The following DENND1B variants were observed in gnomAD, a reference collection of about 807,000 sequenced individuals.
DENND1B encodes the protein DENN domain-containing protein 1B.
In DENND1B, 59 loss-of-function variants were observed where a neutral mutation model predicts 90.1. The ratio of observed to expected loss-of-function variants is 0.65; its 90% CI spans 0.53 to 0.81. DENND1B has a LOEUF of 0.81. DENND1B is among the 40% of genes least tolerant of loss of function. The pLI, the probability that DENND1B is intolerant of heterozygous loss-of-function variation, is 0.00. For missense variants in DENND1B, 862 were observed against 912.6 expected (o/e 0.94, Z 0.71); for synonymous variants, 337 against 324.6 (o/e 1.04, Z -0.41).
intron 2 of DENND1B, among the ~76,000 whole-genome samples, chr1:197,770,837 A>T (rs916000715): frequency 1.0e-5 from 1 of 96,978 alleles, no homozygotes. Context: ...TATATCTATA[A>T]ATATATATAA....
intron 20 of DENND1B, among the ~76,000 whole-genome samples, chr1:197,529,604 A>G (rs1453917441): frequency 6.6e-6 from 1 of 152,086 alleles, no homozygotes; most frequent in Non-Finnish European, 1.5e-5. Flanking sequence ...CATACACATT[A>G]TAACTGCTAG....
rs75072265 is a variant in DENND1B at position 197,738,520 on chromosome 1, A to C, written c.83-23446T>G. ...TAGAAGACTTGGGTTATTAACTGTG[A>C]AACACAACATGGAAGATGCTGATGC... On this transcript the variant is annotated intron_variant, in intron 2 of 22. Transcript: ENST00000620048. 5.3e-3 allele frequency among the ~76,000 whole-genome samples: 812 copies of C among 152,336 alleles called. 9 individuals are homozygous for C. The highest frequency in any genetic ancestry group is 0.018 in the African/African-American group (755 of 41,582).
chr1:197,552,432 T>C (rs1571849444), intron 16 of DENND1B: 1 of 985,464 alleles, frequency 1.0e-6, no homozygotes, highest in Non-Finnish European at 1.2e-6. Context: ...TTGTAAATTA[T>C]TAATTGCCTA....
intron 10 of DENND1B, among the ~76,000 whole-genome samples, chr1:197,637,223 C>A (rs1679877974): frequency 6.6e-6 from 1 of 151,588 alleles, no homozygotes; most frequent in South Asian, 2.1e-4. Flanking sequence ...TGTCTGTAAG[C>A]TATAAGGATA....
intron 18 of DENND1B, among the ~76,000 whole-genome samples, chr1:197,542,259 C>T (rs1246053741): frequency 6.6e-6 from 1 of 152,052 alleles, no homozygotes; most frequent in Non-Finnish European, 1.5e-5. Context: ...TGTATGATAA[C>T]TCTAGTTTTC....
chr1:197,689,703 A>G (rs1027959076), intron 3 of DENND1B: 3 of 153,998 alleles, frequency 1.9e-5, no homozygotes, highest in Non-Finnish European at 4.4e-5. Context: ...GACCTGCTAC[A>G]GTAGCATTTG....
At chr1:197,668,477 CTT>C (rs1048281937) in intron 5 of DENND1B, among the ~76,000 whole-genome samples, 7 of 151,536 alleles carry the variant, frequency 4.6e-5, no homozygotes, top group African/African-American at 1.7e-4. Context: ...GTTGTCAACA[CTT>C]TTAAATTTAT....
intron 15 of DENND1B, among the ~76,000 whole-genome samples, chr1:197,562,073 C>T (rs1440185721): frequency 6.6e-6 from 1 of 151,870 alleles, no homozygotes; most frequent in East Asian, 1.9e-4. Context: ...CCTACCCTCA[C>T]CTCTGGTAGT....
chr1:197,634,752 G>A (rs1482990323), intron 10 of DENND1B, among the ~76,000 whole-genome samples: 2 of 152,210 alleles, frequency 1.3e-5, no homozygotes, highest in Non-Finnish European at 2.9e-5. Context: ...ACTTTGGGAG[G>A]CCGAGGCAGG....
intron 6 of DENND1B, 152 bp from the exon 7 acceptor site, chr1:197,652,467 T>G (rs1417731271): frequency 3.4e-6 from 2 of 590,854 alleles, no homozygotes; most frequent in Non-Finnish European, 5.6e-6. Context: ...TACCTGAAAT[T>G]CAAATATTTG....
At chr1:197,511,619 C>G (rs1668033546) in intron 22 of DENND1B, 109 bp downstream of exon 22, 1 of 675,774 alleles carries the variant, frequency 1.5e-6, no homozygotes, top group Admixed American at 4.0e-5. Context: ...TGACCCTTAC[C>G]TACTTAGAGG....
At chr1:197,672,869 A>G (rs1353820350) in intron 4 of DENND1B, among the ~76,000 whole-genome samples, 4 of 152,068 alleles carry the variant, frequency 2.6e-5, no homozygotes, top group African/African-American at 9.7e-5. Context: ...CGTTAGATTG[A>G]ATCTTTATTT....
At chr1:197,728,736 C>G (rs1747816) in intron 2 of DENND1B, among the ~76,000 whole-genome samples, 1 of 152,184 alleles carries the variant, frequency 6.6e-6, no homozygotes, top group Non-Finnish European at 1.5e-5. Context: ...CTTAAGAGTT[C>G]TTATTATTCC....
At chr1:197,593,230 T>C (rs1361840142) in intron 14 of DENND1B, among the ~76,000 whole-genome samples, 1 of 151,716 alleles carries the variant, frequency 6.6e-6, no homozygotes, top group Non-Finnish European at 1.5e-5. Context: ...CCCTAAAAAC[T>C]ATCTCTTGTG....
At chr1:197,552,203 G>C in intron 16 of DENND1B, 2 of 978,954 alleles carry the variant, frequency 2.0e-6, no homozygotes, top group Non-Finnish European at 2.4e-6. Flanking sequence ...AACATACAAA[G>C]AAGTTTAAAA....
intron 10 of DENND1B, among the ~76,000 whole-genome samples, chr1:197,640,070 C>T (rs916450353): frequency 9.9e-5 from 15 of 152,088 alleles, no homozygotes; most frequent in African/African-American, 3.4e-4. Context: ...AAACAACTCC[C>T]CCAAAATACT....
At chr1:197,654,959 A>T (rs1323932904) in intron 6 of DENND1B, among the ~76,000 whole-genome samples, 1 of 152,190 alleles carries the variant, frequency 6.6e-6, no homozygotes. Context: ...TATAATTTTT[A>T]AAAATTAAAT....
chr1:197,629,901 G>T, intron 10 of DENND1B, among the ~76,000 whole-genome samples: 1 of 151,974 alleles, frequency 6.6e-6, no homozygotes, highest in Non-Finnish European at 1.5e-5. Flanking sequence ...TGTAACTGAT[G>T]CCTCACCAAC....
In DENND1B at chr1:197,522,106, T is replaced by G. The variant is rs896141415; in HGVS notation, c.1516-9153A>C. The stretch of plus-strand genomic sequence containing the variant: ...AAAAATGGCAAGCTATAAATCTCAT[T>G]TTTTAAGGCAAGTGGTAGTTTCAGA... On this transcript the variant is annotated intron_variant, in intron 20 of 22. Transcript: ENST00000620048. 2.0e-5 allele frequency among the ~76,000 whole-genome samples: 3 copies of G among 152,110 alleles called. No individual in the cohort carries two copies. The East Asian group carries it at 5.8e-4, about 29-fold the overall frequency.
Sources: gnomAD v4.1 joint callset for allele counts (sites outside exome capture counted in the v4.1 genomes callset) on GRCh38, gnomAD v4.1.1 for gene constraint, MANE v1.5 for transcripts, NCBI Gene and HGNC (gene_info 2026-07-23, HGNC 2026-07-21) for gene names.